The following HEXB variants were observed in gnomAD, a reference collection of about 807,000 sequenced individuals.
HEXB encodes beta-hexosaminidase subunit beta.
A neutral mutation model predicts 71.2 loss-of-function variants in HEXB; 51 were observed. The ratio of observed to expected loss-of-function variants is 0.72; its 90% CI spans 0.57 to 0.90. HEXB has a LOEUF of 0.90. Among genes scored for constraint, HEXB ranks in the 40% least tolerant of loss-of-function variants. The probability of loss-of-function intolerance (pLI) is 0.00; values close to 1 mark genes in which losing one functional copy is unlikely to be tolerated. For missense variants in HEXB, 617 were observed against 677.0 expected (o/e 0.91, Z 0.98); for synonymous variants, 266 against 249.3 (o/e 1.07, Z -0.63).
intron 1 of HEXB, among the ~76,000 whole-genome samples, chr5:74,687,460 T>A (rs1748900283): frequency 1.3e-5 from 2 of 152,208 alleles, no homozygotes; most frequent in African/African-American, 2.4e-5. Context: ...CTTCTTTAGC[T>A]TCTAGAACAG....
At chr5:74,672,918 T>C (rs1748565750) in intron 1 of HEXB, among the ~76,000 whole-genome samples, 1 of 152,120 alleles carries the variant, frequency 6.6e-6, no homozygotes, top group Non-Finnish European at 1.5e-5. Context: ...TCTGGAGACT[T>C]TGGATTTAGA....
chr5:74,695,050 C>G lies in HEXB; in HGVS notation c.511+1346C>G, dbSNP rs147462655. Among the ~76,000 whole-genome samples the G allele has an allele frequency of 8.6e-3, 1,305 of 151,900 alleles. 9 individuals carry two copies. Among genetic ancestry groups the G allele is most frequent in the Non-Finnish European group, 0.011 (738 of 67,958 alleles). On this transcript the variant is annotated intron_variant, in intron 3 of 13. Transcript: ENST00000261416. The stretch of plus-strand genomic sequence containing the variant: ...TCATTGTTATGCTATATATTTTATA[C>G]CATAAGATTATAATTTTATTCAAAA...
intron 1 of HEXB, among the ~76,000 whole-genome samples, chr5:74,651,609 C>T (rs891211731): frequency 2.0e-4 from 30 of 152,116 alleles, no homozygotes; most frequent in African/African-American, 7.0e-4. Flanking sequence ...TCAGGGACAT[C>T]ACTTAAAGGA....
intron 3 of HEXB, among the ~76,000 whole-genome samples, chr5:74,695,719 T>C (rs2112139402): frequency 6.6e-6 from 1 of 151,012 alleles, no homozygotes; most frequent in African/African-American, 2.4e-5. Flanking sequence ...TGCACGCTTG[T>C]AGTCCCAGCT....
At chr5:74,675,670 G>T (rs1260300543) in intron 1 of HEXB, among the ~76,000 whole-genome samples, 1 of 152,140 alleles carries the variant, frequency 6.6e-6, no homozygotes, top group Non-Finnish European at 1.5e-5. Context: ...CCATATTAAG[G>T]ATCCTATATT....
chr5:74,712,309 T>C (rs1428596780), intron 6 of HEXB, among the ~76,000 whole-genome samples: 26 of 145,742 alleles, frequency 1.8e-4, no homozygotes, highest in African/African-American at 5.9e-4. Context: ...AGGGATAGCA[T>C]TGGGAGATAT....
chr5:74,702,854 G>A (rs1390469297), intron 5 of HEXB, among the ~76,000 whole-genome samples: 2 of 152,226 alleles, frequency 1.3e-5, no homozygotes, highest in African/African-American at 4.8e-5. Context: ...GTAAGGTAGA[G>A]CAATCCCTTC....
intron 6 of HEXB, among the ~76,000 whole-genome samples, chr5:74,712,928 A>C (rs933161731): frequency 6.6e-6 from 1 of 152,236 alleles, no homozygotes; most frequent in African/African-American, 2.4e-5. Context: ...TCATTAAAAA[A>C]AAACAAGTCA....
intron 1 of HEXB, among the ~76,000 whole-genome samples, chr5:74,648,526 C>T (rs1244037840): frequency 6.6e-6 from 1 of 151,466 alleles, no homozygotes; most frequent in Non-Finnish European, 1.5e-5. Flanking sequence ...TCAGCTTTAC[C>T]CCACAGTTAT....
intron 6 of HEXB, among the ~76,000 whole-genome samples, chr5:74,712,298 GA>G (rs1749563838): frequency 8.9e-6 from 1 of 112,954 alleles, no homozygotes; most frequent in African/African-American, 3.3e-5. Context: ...GGGGAGGGGG[GA>G]GGGATAGCAT....
intron 1 of HEXB, among the ~76,000 whole-genome samples, chr5:74,647,277 C>G (rs1043435409): frequency 2.6e-5 from 4 of 152,270 alleles, no homozygotes; most frequent in African/African-American, 9.6e-5. Context: ...CCTCTATGCT[C>G]TGCTTCTAGG....
At chr5:74,681,877 T>C (rs1748744541), upstream of HEXB, among the ~76,000 whole-genome samples, 2 of 152,268 alleles carry the variant, frequency 1.3e-5, no homozygotes, top group Non-Finnish European at 2.9e-5. Context: ...GTAGCAGTGA[T>C]GCATGTCACT....
chr5:74,711,986 G>A (rs1444707215), intron 6 of HEXB, among the ~76,000 whole-genome samples: 1 of 148,046 alleles, frequency 6.8e-6, no homozygotes, highest in Non-Finnish European at 1.5e-5. Context: ...GCACACGTAT[G>A]TTTATTGTGG....
intron 1 of HEXB, among the ~76,000 whole-genome samples, chr5:74,671,529 G>A (rs769140701): frequency 6.6e-6 from 1 of 152,174 alleles, no homozygotes; most frequent in Non-Finnish European, 1.5e-5. Flanking sequence ...GCCAGGGGCA[G>A]GGAGGGGAGA....
rs879895735 is a variant in HEXB at position 74,641,800 on chromosome 5, T to G, written c.-377+1242T>G. 6.6e-6 allele frequency among the ~76,000 whole-genome samples: 1 copy of G among 152,196 alleles called. No individual in the cohort carries two copies. The highest frequency in any genetic ancestry group is 1.5e-5 in the Non-Finnish European group (1 of 68,030). On this transcript the variant is annotated intron_variant, in intron 1 of 13. Transcript: ENST00000511181. This position sits in a 1 kb window ranked among gnomAD's most constrained non-coding sequence, Gnocchi z 4.1. ...AAAATATCTGTCTTTTATTCGGTAT[T>G]TGGAGCTAAGTCTATAAATGAACGG...
In HEXB at chr5:74,652,726, C is replaced by A. The variant is rs1395671737; in HGVS notation, c.-377+12168C>A. On this transcript the variant is annotated intron_variant, in intron 1 of 13. Transcript: ENST00000511181. This position sits in a 1 kb window ranked among gnomAD's most constrained non-coding sequence, Gnocchi z 5.4. Reference sequence around the variant, plus strand: ...CAGCCAAAAGTCAGGGATAGAGGCTCATCTGGTCCTCCCACATCTGCCCAC... The same window carrying A: ...CAGCCAAAAGTCAGGGATAGAGGCTAATCTGGTCCTCCCACATCTGCCCAC... 6.6e-6 allele frequency among the ~76,000 whole-genome samples: 1 copy of A among 152,078 alleles called. No individual in the cohort carries two copies. The highest frequency in any genetic ancestry group is 1.5e-5 in the Non-Finnish European group (1 of 68,010).
intron 1 of HEXB, among the ~76,000 whole-genome samples, chr5:74,688,161 ATATT>A (rs1748914276): frequency 6.6e-6 from 1 of 151,850 alleles, no homozygotes; most frequent in African/African-American, 2.4e-5. Context: ...TGCCTTTACA[ATATT>A]TAATGCCTTT....
At chr5:74,685,682 G>T in intron 1 of HEXB, 123 bp downstream of exon 1, 1 of 843,746 alleles carries the variant, frequency 1.2e-6, no homozygotes, top group South Asian at 1.8e-5. Context: ...GAGCTGGCAG[G>T]CGATCTGCCC....
At chr5:74,647,488 A>G (rs538907409) in intron 1 of HEXB, among the ~76,000 whole-genome samples, 4 of 152,366 alleles carry the variant, frequency 2.6e-5, no homozygotes, top group African/African-American at 9.6e-5. Flanking sequence ...CATTAGCAGA[A>G]TGAACAAAGA....
Sources: gnomAD v4.1 joint callset for allele counts (sites outside exome capture counted in the v4.1 genomes callset) on GRCh38, gnomAD v4.1.1 for gene constraint, Gnocchi (gnomAD v3.1) non-coding constraint, MANE v1.5 for transcripts, NCBI Gene and HGNC (gene_info 2026-07-23, HGNC 2026-07-21) for gene names.